Variants in MAP1A observed in about 807,000 individuals in gnomAD.
The protein encoded by MAP1A is microtubule associated protein 1A.
A neutral mutation model predicts 185.9 loss-of-function variants in MAP1A; 42 were observed. That is an observed-to-expected ratio of 0.23 (90% CI 0.18 to 0.29). MAP1A has a LOEUF of 0.29. MAP1A is among the 10% of genes least tolerant of loss of function. The pLI is 1.00. For missense variants in MAP1A, 2,995 were observed against 3,450.4 expected (o/e 0.87, Z 3.31); for synonymous variants, 1,229 against 1,335.9 (o/e 0.92, Z 1.74).
In MAP1A at chr15:43,525,557, C is replaced by G; in HGVS notation, c.4084C>G (p.Pro1362Ala). Residue 1362 changes from proline (P) to alanine (A), a missense_variant, in exon 4 of 6, where the codon CCA becomes GCA. Physicochemically the swap from Pro to Ala is conservative, Grantham distance 27 (BLOSUM62 -1). This residue lies in a region of MAP1A where 2,728 missense variants were observed against 2,986.0 expected (regional missense o/e 0.91). Coordinates refer to ENST00000300231, the MANE Select transcript of MAP1A (RefSeq NM_002373.6). ...RTSEQKKEPE[P>A]KDEVLQQKDK... Reference sequence around the variant, plus strand: ...CTCAGAACAGAAGAAGGAACCTGAGCCAAAGGATGAAGTTTTACAGCAGAA... The same window carrying G: ...CTCAGAACAGAAGAAGGAACCTGAGGCAAAGGATGAAGTTTTACAGCAGAA... The G allele has an allele frequency of 1.2e-6, 2 of 1,614,144 alleles. No homozygotes were observed. Among genetic ancestry groups the G allele is most frequent in the Non-Finnish European group, 1.7e-6 (2 of 1,180,032 alleles).
Position 43,527,687 on chromosome 15 carries a change from G to C in MAP1A, c.6214G>C (p.Gly2072Arg), listed in dbSNP as rs770227784. Residue 2072 changes from glycine (G) to arginine (R), a missense_variant, in exon 4 of 6, where the codon GGC becomes CGC. Gly to Arg is a moderately radical substitution (Grantham distance 125). Transcript: ENST00000300231. The stretch of plus-strand genomic sequence containing the variant: ...CCCCCGTGCTCCTATCCTGAGCAAA[G>C]GCCCAAGCCCCCCTCTTAATGGTAA... ...VPPRAPILSK[G>R]PSPPLNGNIL... The C allele has an allele frequency of 5.0e-6, 8 of 1,609,478 alleles. No individual in the cohort carries two copies. Among genetic ancestry groups the C allele is most frequent in the Non-Finnish European group, 6.8e-6 (8 of 1,178,790 alleles).
Position 43,523,993 on chromosome 15 carries a change from C to T in MAP1A, c.2520C>T (p.Ser840=). Residue 840 remains serine, a synonymous_variant, in exon 4 of 6, where the codon TCC becomes TCT. Coordinates refer to ENST00000300231, the MANE Select transcript of MAP1A (RefSeq NM_002373.6). Reference sequence around the variant, plus strand: ...TCACTGAGTGTGACAAACTTTCTTCCTTTGCCACATCAGTGGCTGAGGACC... The same window carrying T: ...TCACTGAGTGTGACAAACTTTCTTCTTTTGCCACATCAGTGGCTGAGGACC... ...TSITECDKLS[S]FATSVAEDQS... 6.2e-7 allele frequency: 1 copy of T among 1,614,120 alleles called. No homozygotes were observed. Among genetic ancestry groups the T allele is most frequent in the Non-Finnish European group, 8.5e-7 (1 of 1,180,030 alleles).
Position 43,521,368 on chromosome 15 carries a change from C to T in MAP1A, c.-106C>T, listed in dbSNP as rs1202632126. 1.9e-6 allele frequency: 3 copies of T among 1,613,470 alleles called. No individual in the cohort carries two copies. The highest frequency in any genetic ancestry group is 2.2e-5 in the East Asian group (1 of 44,892). On this transcript the variant is annotated 5_prime_UTR_variant, in exon 4 of 6. Coordinates refer to ENST00000300231, the MANE Select transcript of MAP1A (RefSeq NM_002373.6). The surrounding 1 kb of genome is among the most constrained non-coding windows in gnomAD (Gnocchi z 4.6). ...ATAGAGACCCTGGGATACAGGCCTT[C>T]CTTACCGTGTCCTGCTTAGGGGAAG...
exon 2 of MAP1A, chr15:43,512,267 G>T: frequency 6.5e-7 from 1 of 1,546,802 alleles, no homozygotes; most frequent in Non-Finnish European, 8.7e-7. Flanking sequence ...CCGGCACCTA[G>T]CTCACTTCTC....
rs1247030131 is a variant in MAP1A at position 43,529,256 on chromosome 15, C to G, written c.7783C>G (p.Leu2595Val). The change falls in exon 4 of 6, where the codon CTA becomes GTA. Residue 2595 changes from leucine (L) to valine (V), a missense_variant. Leu to Val is a conservative substitution (Grantham distance 32). Transcript: ENST00000300231. The surrounding 1 kb of genome is among the most constrained non-coding windows in gnomAD (Gnocchi z 4.3). The part of the protein sequence containing the change: ...LSSESGRVER[L>V]REKEKVQGRV... ...CTCAGAGTCTGGGAGAGTAGAGAGG[C>G]TACGGGAGAAGGAAAAGGTTCAGGG... The G allele has an allele frequency of 1.9e-6, 3 of 1,601,484 alleles. No homozygotes were observed. The African/African-American group carries it at 4.0e-5, about 22-fold the overall frequency.
chr15:43,522,613 G>A lies in MAP1A; in HGVS notation c.1140G>A (p.Val380=), dbSNP rs753169421. The part of the protein sequence containing the change: ...PPEKPAKPER[V]KTESSEALKA... ...AGAAGCCTGCCAAGCCTGAGAGGGT[G>A]AAGACAGAGTCAAGTGAGGCACTGA... Residue 380 remains valine, a synonymous_variant, in exon 4 of 6, where the codon GTG becomes GTA. Coordinates refer to ENST00000300231, the MANE Select transcript of MAP1A (RefSeq NM_002373.6). The surrounding 1 kb of genome is among the most constrained non-coding windows in gnomAD (Gnocchi z 5.9). The A allele has an allele frequency of 1.2e-6, 2 of 1,613,014 alleles. No individual in the cohort carries two copies. Among genetic ancestry groups the A allele is most frequent in the Non-Finnish European group, 1.7e-6 (2 of 1,179,522 alleles).
At chr15:43,517,812 C>T (rs2079303721) in intron 1 of MAP1A, 112 bp downstream of exon 1, 1 of 197,062 alleles carries the variant, frequency 5.1e-6, no homozygotes, top group African/African-American at 2.4e-5. Context: ...AGAACTAGCC[C>T]AGTGGCAGTA....
chr15:43,526,511 A>C lies in MAP1A; in HGVS notation c.5038A>C (p.Asn1680His). The change falls in exon 4 of 6, where the codon AAT (asparagine) becomes CAT (histidine). Residue 1680 changes from asparagine to histidine, a missense_variant. Physicochemically the swap from Asn to His is moderately conservative, Grantham distance 68. Transcript: ENST00000300231. This position sits in a 1 kb window ranked among gnomAD's most constrained non-coding sequence, Gnocchi z 4.7. ...AWEDTSPEQD[N>H]RYWRGREDVA... ...GGAGGACACATCTCCTGAGCAGGAC[A>C]ATAGGTATTGGAGGGGCAGAGAGGA... 1 of 1,614,130 alleles carries C rather than the reference A, an allele frequency of 6.2e-7. No homozygotes were observed. Among genetic ancestry groups the C allele is most frequent in the Non-Finnish European group, 8.5e-7 (1 of 1,180,016 alleles).
rs2140210756 is a variant in MAP1A, at chr15:43,528,452, G to T, written c.6979G>T (p.Asp2327Tyr). ...ALAPAPSLPG[D>Y]MGDGILPCHL... ...AGCTCCAGCTCCAAGCCTGCCTGGAGACATGGGTGATGGCATCCTGCCGTG... is the reference window on the plus strand; with the variant it reads ...AGCTCCAGCTCCAAGCCTGCCTGGATACATGGGTGATGGCATCCTGCCGTG... Residue 2327 changes from aspartate (D) to tyrosine (Y), a missense_variant, in exon 4 of 6, where the codon GAC (aspartate) becomes TAC (tyrosine). Physicochemically the swap from Asp to Tyr is radical, Grantham distance 160. Coordinates refer to ENST00000300231, the MANE Select transcript of MAP1A (RefSeq NM_002373.6). 2 of 1,613,508 alleles carry T rather than the reference G, an allele frequency of 1.2e-6. No homozygotes were observed. Among genetic ancestry groups the T allele is most frequent in the Middle Eastern group, 1.6e-4 (1 of 6,062 alleles).
chr15:43,511,686 A>T (rs917884851), intron 1 of MAP1A, among the ~76,000 whole-genome samples: 6 of 152,182 alleles, frequency 3.9e-5, no homozygotes, highest in Non-Finnish European at 8.8e-5. Context: ...CTTCGTGGCT[A>T]CCAGCTCCTA....
In MAP1A at chr15:43,523,197, G is replaced by A; in HGVS notation, c.1724G>A (p.Gly575Glu). The change falls in exon 4 of 6, where the codon GGA (glycine) becomes GAA (glutamate). Residue 575 changes from glycine (G) to glutamate (E), a missense_variant. By Grantham distance (98) the Gly-to-Glu change is moderately conservative. Coordinates refer to ENST00000300231, the MANE Select transcript of MAP1A (RefSeq NM_002373.6). Reference sequence around the variant, plus strand: ...GGACCCCCAAGTACAGCTATCCAGGGAACACCACCCTCTGTTCCAGGGCTG... The same window carrying A: ...GGACCCCCAAGTACAGCTATCCAGGAAACACCACCCTCTGTTCCAGGGCTG... ...EEGPPSTAIQ[G>E]TPPSVPGLGQ... is the part of the protein sequence containing the mutation. 2 of 1,614,134 alleles carry A rather than the reference G, an allele frequency of 1.2e-6. No individual in the cohort carries two copies. Among genetic ancestry groups the A allele is most frequent in the Non-Finnish European group, 1.7e-6 (2 of 1,180,024 alleles).
rs1428604538 is a variant in MAP1A at position 43,528,471 on chromosome 15, T to A, written c.6998T>A (p.Leu2333Gln). 6.2e-7 allele frequency: 1 copy of A among 1,613,408 alleles called. No individual in the cohort carries two copies. Among genetic ancestry groups the A allele is most frequent in the Non-Finnish European group, 8.5e-7 (1 of 1,180,036 alleles). Residue 2333 changes from leucine (L) to glutamine (Q), a missense_variant, in exon 4 of 6, where the codon CTG becomes CAG. Leu to Gln is a moderately radical substitution (Grantham distance 113). This residue lies in a region of MAP1A where 2,728 missense variants were observed against 2,986.0 expected (regional missense o/e 0.91). Transcript: ENST00000300231. ...SLPGDMGDGI[L>Q]PCHLECSEAA... ...CCTGGAGACATGGGTGATGGCATCCTGCCGTGCCACCTGGAGTGCTCAGAG... is the reference window on the plus strand; with the variant it reads ...CCTGGAGACATGGGTGATGGCATCCAGCCGTGCCACCTGGAGTGCTCAGAG...
upstream of MAP1A, among the ~76,000 whole-genome samples, chr15:43,515,333 C>T (rs2079293762): frequency 6.6e-6 from 1 of 152,166 alleles, no homozygotes; most frequent in African/African-American, 2.4e-5. Flanking sequence ...CAACAGTTAC[C>T]CTGAATTAAT....
rs759830283 is a variant in MAP1A, at chr15:43,527,065, C to A, written c.5592C>A (p.Pro1864=). The change falls in exon 4 of 6, where the codon CCC becomes CCA. Residue 1864 remains proline (P), a synonymous_variant. Transcript: ENST00000300231. ...CCCTCTCCCCAGCTCCTGGTCCCCC[C>A]ACACCTGCCCCGGAATCCCATACTC... ...PAPLSPAPGP[P]TPAPESHTPA... is the part of the protein sequence containing the mutation. 3.2e-6 allele frequency: 5 copies of A among 1,582,894 alleles called. No individual in the cohort carries two copies. In the East Asian group the frequency reaches 9.0e-5, roughly 28 times the overall value.
At chr15:43,519,882 G>A (rs180978326) in intron 1 of MAP1A, among the ~76,000 whole-genome samples, 60 of 152,344 alleles carry the variant, frequency 3.9e-4, no homozygotes, top group African/African-American at 1.4e-3. Flanking sequence ...AATAGGTTGT[G>A]GGGTAGTGAA....
rs373349689 is a variant in MAP1A, at chr15:43,526,647, G to A, written c.5174G>A (p.Arg1725Gln). The A allele has an allele frequency of 4.3e-5, 69 of 1,613,924 alleles. No individual in the cohort carries two copies. Among genetic ancestry groups the A allele is most frequent in the Admixed American group, 6.7e-5 (4 of 60,002 alleles). Residue 1725 changes from arginine to glutamine, a missense_variant, in exon 4 of 6, where the codon CGG becomes CAG. Arg to Gln is a conservative substitution (Grantham distance 43). Transcript: ENST00000300231. This position sits in a 1 kb window ranked among gnomAD's most constrained non-coding sequence, Gnocchi z 4.7. Reference sequence around the variant, plus strand: ...GCCCGCCCACACTACACTGAGGAACGGGAAAGCACTTTCCTAGATGAGGGC... The same window carrying A: ...GCCCGCCCACACTACACTGAGGAACAGGAAAGCACTTTCCTAGATGAGGGC... ...QGARPHYTEE[R>Q]ESTFLDEGPD...
rs1269529107 is a variant in MAP1A at position 43,525,089 on chromosome 15, AAGG to A, written c.3619_3621del (p.Glu1207del). ...TTCTCTGTCAGAAGAGAGTCCCAGC[AAGG>A]AGACCTCCCTGGATGTCTCTTCTAA... On this transcript the variant is annotated inframe_deletion, in exon 4 of 6. Coordinates refer to ENST00000300231, the MANE Select transcript of MAP1A (RefSeq NM_002373.6). The A allele has an allele frequency of 6.2e-7, 1 of 1,614,172 alleles. No homozygotes were observed. Among genetic ancestry groups the A allele is most frequent in the East Asian group, 2.2e-5 (1 of 44,886 alleles).
chr15:43,525,285 C>T lies in MAP1A; in HGVS notation c.3812C>T (p.Thr1271Ile). The T allele has an allele frequency of 6.2e-7, 1 of 1,614,214 alleles. No individual in the cohort carries two copies. The highest frequency in any genetic ancestry group is 2.2e-5 in the East Asian group (1 of 44,884). The part of the protein sequence containing the change: ...ATASPPTDGT[T>I]RYSAQTDITD... ...GCGTCACCTCCCACAGATGGGACAA[C>T]TCGATACTCTGCACAGACAGACATC... is the stretch of plus-strand genomic sequence containing the variant. The change falls in exon 4 of 6, where the codon ACT becomes ATT. Residue 1271 changes from threonine (T) to isoleucine (I), a missense_variant. Thr to Ile is a moderately conservative substitution (Grantham distance 89). Around this residue, in one of 3 missense-constraint regions of MAP1A, gnomAD observed 2,728 missense variants for 2,986.0 expected, o/e 0.91. Transcript: ENST00000300231.
chr15:43,529,218 C>T lies in MAP1A; in HGVS notation c.7745C>T (p.Pro2582Leu). The change falls in exon 4 of 6, where the codon CCC (proline) becomes CTC (leucine). Residue 2582 changes from proline (P) to leucine (L), a missense_variant. Pro to Leu is a moderately conservative substitution (Grantham distance 98). Transcript: ENST00000300231. This position sits in a 1 kb window ranked among gnomAD's most constrained non-coding sequence, Gnocchi z 4.3. Reference sequence around the variant, plus strand: ...CGCCCTGATGTGTGCATGGCTGACCCCGAGGGGCTCAGCTCAGAGTCTGGG... The same window carrying T: ...CGCCCTGATGTGTGCATGGCTGACCTCGAGGGGCTCAGCTCAGAGTCTGGG... Reference protein sequence around the residue: ...PPRPDVCMADPEGLSSESGRV... With the variant: ...PPRPDVCMADLEGLSSESGRV... 1 of 1,612,244 alleles carries T rather than the reference C, an allele frequency of 6.2e-7. No homozygotes were observed. The highest frequency in any genetic ancestry group is 8.5e-7 in the Non-Finnish European group (1 of 1,179,052).
Sources: gnomAD v4.1 joint callset for allele counts (sites outside exome capture counted in the v4.1 genomes callset) on GRCh38, gnomAD v4.1.1 for gene constraint, gnomAD v4.1.1 regional missense constraint, Gnocchi (gnomAD v3.1) non-coding constraint, MANE v1.5 for transcripts, NCBI Gene and HGNC (gene_info 2026-07-23, HGNC 2026-07-21) for gene names.